Variants in GPR179 observed in about 807,000 individuals in gnomAD.
GPR179 encodes the protein G protein-coupled receptor 179.
Under a neutral mutation model 70.8 loss-of-function variants are expected in GPR179, and 52 were observed. The observed-to-expected ratio is 0.73, with a 90% CI of 0.59 to 0.93. GPR179 has a LOEUF of 0.93. GPR179 is among the 40% of genes least tolerant of loss of function. The pLI, the probability that GPR179 is intolerant of heterozygous loss-of-function variation, is 0.00. For missense variants in GPR179, 2,734 were observed against 2,966.8 expected (o/e 0.92, Z 1.82); for synonymous variants, 1,123 against 1,169.0 (o/e 0.96, Z 0.80).
chr17:38,329,235 G>A lies in GPR179; in HGVS notation c.4334C>T (p.Ala1445Val), dbSNP rs370175162. 1.5e-5 allele frequency: 25 copies of A among 1,613,826 alleles called. No individual in the cohort carries two copies. Among genetic ancestry groups the A allele is most frequent in the Non-Finnish European group, 1.9e-5 (23 of 1,179,864 alleles). ...CCCTGAACACTCTGAGCTTCCTGGG[G>A]CCTGAATTGAGACTGCTGAGGGGCC... ...FRGPSAVSIQ[A>V]PGSSECSGSL... Residue 1445 changes from alanine to valine, a missense_variant, in exon 11 of 11, where the codon GCC (alanine) becomes GTC (valine). Physicochemically the swap from Ala to Val is moderately conservative, Grantham distance 64. Coordinates refer to ENST00000616987, the MANE Select transcript of GPR179 (RefSeq NM_001004334.4).
chr17:38,338,525 A>G (rs2037424992), intron 2 of GPR179, among the ~76,000 whole-genome samples: 1 of 152,214 alleles, frequency 6.6e-6, no homozygotes, highest in African/African-American at 2.4e-5. Context: ...ACTGGACTAC[A>G]CAGTCTGCAC....
rs1187567712 is a variant in GPR179 at position 38,335,042 on chromosome 17, T to C, written c.1636A>G (p.Met546Val). 1.2e-6 allele frequency: 2 copies of C among 1,612,240 alleles called. No individual in the cohort carries two copies. Among genetic ancestry groups the C allele is most frequent in the Non-Finnish European group, 1.7e-6 (2 of 1,178,808 alleles). The change falls in exon 7 of 11, where the codon ATG becomes GTG. Residue 546 changes from methionine to valine, a missense_variant. Met to Val is a conservative substitution (Grantham distance 21). Coordinates refer to ENST00000616987, the MANE Select transcript of GPR179 (RefSeq NM_001004334.4). ...LCHHDRWDYI[M>V]VVAELLLLCW... ...AGCAGAAGCAGCTCACCCACAACCA[T>C]GATGTAGTCCCAGCGGTCGTGGTGA...
Position 38,331,514 on chromosome 17 carries a change from G to C in GPR179, c.2055C>G (p.Leu685=). 1 of 1,607,500 alleles carries C rather than the reference G, an allele frequency of 6.2e-7. No homozygotes were observed. Among genetic ancestry groups the C allele is most frequent in the Non-Finnish European group, 8.5e-7 (1 of 1,175,138 alleles). The part of the protein sequence containing the change: ...PGDIRDELKK[L]YAQLEVHKTK... ...TTTTGTGGACCTCTAGCTGGGCATA[G>C]AGCTTCTTCAGCTCGTCCTGTGGGG... is the stretch of plus-strand genomic sequence containing the variant. The change falls in exon 11 of 11, where the codon CTC becomes CTG. Residue 685 remains leucine, a synonymous_variant. Coordinates refer to ENST00000616987, the MANE Select transcript of GPR179 (RefSeq NM_001004334.4).
chr17:38,327,526 T>A lies in GPR179; in HGVS notation c.6043A>T (p.Lys2015Ter). The change falls in exon 11 of 11, where the codon AAG becomes TAG. Residue 2015 changes from lysine to a stop codon, truncating the protein, a stop_gained. Coordinates refer to ENST00000616987, the MANE Select transcript of GPR179 (RefSeq NM_001004334.4). LOFTEE classifies it low-confidence loss of function (END_TRUNC). The part of the protein sequence containing the change: ...AGVYKSDSSA[K>*]AETCPWEVTE... Reference sequence around the variant, plus strand: ...ACTTCCCAGGGACAGGTCTCAGCCTTGGCACTGCTGTCAGATTTATACACA... The same window carrying A: ...ACTTCCCAGGGACAGGTCTCAGCCTAGGCACTGCTGTCAGATTTATACACA... 1 of 1,614,168 alleles carries A rather than the reference T, an allele frequency of 6.2e-7. No individual in the cohort carries two copies. Among genetic ancestry groups the A allele is most frequent in the Non-Finnish European group, 8.5e-7 (1 of 1,180,032 alleles).
At chr17:38,338,400 C>T (rs113907545) in intron 2 of GPR179, among the ~76,000 whole-genome samples, 15 of 152,134 alleles carry the variant, frequency 9.9e-5, no homozygotes, top group African/African-American at 3.1e-4. Flanking sequence ...ACATCAGTGA[C>T]GCAAATGAAA....
At position 38,331,160 on chromosome 17, in the gene GPR179, G is replaced by A. The variant is rs751596031; in HGVS notation, c.2409C>T (p.Ser803=). ...CAGGGGGCCCCTCCACCGACTCCCG[G>A]CTCTCTGTTCGAGAGGCCTTCTTGG... ...KLAKKASRTE[S]RESVEGPPAL... Residue 803 remains serine, a synonymous_variant, in exon 11 of 11, where the codon AGC becomes AGT. Transcript: ENST00000616987. The A allele has an allele frequency of 9.3e-6, 15 of 1,607,592 alleles. No homozygotes were observed. Among genetic ancestry groups the A allele is most frequent in the African/African-American group, 2.7e-5 (2 of 74,938 alleles).
In GPR179 at chr17:38,329,309, C is replaced by T. The variant is rs574079141; in HGVS notation, c.4260G>A (p.Pro1420=). ...RKATFWKEQK[P]GGDLESLCPW... ...GACAAAGAGACTCCAAGTCTCCTCC[C>T]GGTTTCTGTTCTTTCCAAAAGGTTG... The change falls in exon 11 of 11, where the codon CCG becomes CCA. Residue 1420 remains proline (P), a synonymous_variant. Coordinates refer to ENST00000616987, the MANE Select transcript of GPR179 (RefSeq NM_001004334.4). 9.7e-5 allele frequency: 156 copies of T among 1,612,700 alleles called. 3 individuals are homozygous for T. The South Asian group carries it at 1.3e-3, about 14-fold the overall frequency.
chr17:38,337,061 C>T lies in GPR179; in HGVS notation c.1144G>A (p.Ala382Thr). ...CLVEEAAVLRAAVLACQACCM... is the reference protein window; with the variant it reads ...CLVEEAAVLRTAVLACQACCM... The stretch of plus-strand genomic sequence containing the variant: ...CAGGCCTGGCAGGCCAGCACAGCGG[C>T]CCGCAGCACCGCGGCCTCTTCCACC... Residue 382 changes from alanine (A) to threonine (T), a missense_variant, in exon 4 of 11, where the codon GCC (alanine) becomes ACC (threonine). By Grantham distance (58) the Ala-to-Thr change is moderately conservative. Coordinates refer to ENST00000616987, the MANE Select transcript of GPR179 (RefSeq NM_001004334.4). 1 of 1,608,720 alleles carries T rather than the reference C, an allele frequency of 6.2e-7. No homozygotes were observed.
chr17:38,335,502 G>T, intron 6 of GPR179, 89 bp downstream of exon 6: 1 of 977,192 alleles, frequency 1.0e-6, no homozygotes, highest in Admixed American at 1.9e-5. Context: ...GGGCTGGCAA[G>T]GGTCTGGCTT....
chr17:38,331,242 T>C lies in GPR179; in HGVS notation c.2327A>G (p.Asp776Gly), dbSNP rs1472293770. ...PALHKSRSTY[D>G]QRREQDPPLL... is the part of the protein sequence containing the mutation. ...AGGCGGGTCCTGCTCCCTGCGCTGG[T>C]CATAGGTGCTGCGGGACTTGTGCAG... The change falls in exon 11 of 11, where the codon GAC (aspartate) becomes GGC (glycine). Residue 776 changes from aspartate to glycine, a missense_variant. Coordinates refer to ENST00000616987, the MANE Select transcript of GPR179 (RefSeq NM_001004334.4). 1 of 1,588,074 alleles carries C rather than the reference T, an allele frequency of 6.3e-7. No individual in the cohort carries two copies. Among genetic ancestry groups the C allele is most frequent in the Non-Finnish European group, 8.6e-7 (1 of 1,168,208 alleles).
rs764636944 is a variant in GPR179, at chr17:38,335,276, G to A, written c.1407-5C>T. The A allele has an allele frequency of 4.5e-6, 7 of 1,547,112 alleles. No homozygotes were observed. Among genetic ancestry groups the A allele is most frequent in the Admixed American group, 3.9e-5 (2 of 50,928 alleles). ...GACAGAAACAGCTGCAGCACTCTGC[G>A]AGGGTTAGAATACACAGGGTGGATG... On this transcript the variant is annotated splice_region_variant and splice_polypyrimidine_tract_variant and intron_variant, in intron 6 of 10. Coordinates refer to ENST00000616987, the MANE Select transcript of GPR179 (RefSeq NM_001004334.4).
Position 38,325,102 on chromosome 17 carries a change from C to G in GPR179, c.*1363G>C, listed in dbSNP as rs111532539. Among the ~76,000 whole-genome samples the G allele has an allele frequency of 6.6e-6, 1 of 152,282 alleles. No homozygotes were observed. Among genetic ancestry groups the G allele is most frequent in the Non-Finnish European group, 1.5e-5 (1 of 68,020 alleles). ...TGCCTTCTCTAGCTGCCCCTTCCCC[C>G]CTCTCCCACCTCCCTTTGCCAATCT... On this transcript the variant is annotated 3_prime_UTR_variant, in exon 11 of 11. Coordinates refer to ENST00000616987, the MANE Select transcript of GPR179 (RefSeq NM_001004334.4).
In GPR179 at chr17:38,335,290, A is replaced by C. The variant is rs762263858; in HGVS notation, c.1407-19T>G. 2 of 1,531,480 alleles carry C rather than the reference A, an allele frequency of 1.3e-6. No homozygotes were observed. Among genetic ancestry groups the C allele is most frequent in the South Asian group, 1.2e-5 (1 of 83,474 alleles). 94.9% of individuals were successfully genotyped at this position (1,531,480 alleles called of 1,614,324 possible). ...CAGCACTCTGCGAGGGTTAGAATACACAGGGTGGATGGCAGGGACCTGGGT... is the reference window on the plus strand; with the variant it reads ...CAGCACTCTGCGAGGGTTAGAATACCCAGGGTGGATGGCAGGGACCTGGGT... On this transcript the variant is annotated intron_variant, in intron 6 of 10. Coordinates refer to ENST00000616987, the MANE Select transcript of GPR179 (RefSeq NM_001004334.4).
At chr17:38,335,355 T>C in intron 6 of GPR179, 84 bp from the exon 7 acceptor site, 1 of 1,051,492 alleles carries the variant, frequency 9.5e-7, no homozygotes, top group Non-Finnish European at 1.4e-6. Flanking sequence ...TCTCTGTCCA[T>C]TGCTGCCCTC....
chr17:38,326,829 G>T lies in GPR179; in HGVS notation c.6740C>A (p.Thr2247Asn). ...TMADICPGEE[T>N]GVPSEESGLL... is the part of the protein sequence containing the mutation. Reference sequence around the variant, plus strand: ...GCCAGATTCCTCAGATGGGACTCCAGTTTCCTCCCCAGGACAGATGTCTGC... The same window carrying T: ...GCCAGATTCCTCAGATGGGACTCCATTTTCCTCCCCAGGACAGATGTCTGC... Residue 2247 changes from threonine (T) to asparagine (N), a missense_variant, in exon 11 of 11, where the codon ACT becomes AAT. Thr to Asn is a moderately conservative substitution (Grantham distance 65, BLOSUM62 0). Transcript: ENST00000616987. 2 of 1,614,216 alleles carry T rather than the reference G, an allele frequency of 1.2e-6. No individual in the cohort carries two copies. The highest frequency in any genetic ancestry group is 2.7e-5 in the African/African-American group (2 of 75,060).
Position 38,343,729 on chromosome 17 carries a change from C to T in GPR179, c.61G>A (p.Val21Ile), listed in dbSNP as rs150616884. ...GGACCCCCCAGAGCCCAGGCACAGA[C>T]AAAACAGCAGCCCAGCAGCCCCCAC... is the stretch of plus-strand genomic sequence containing the variant. ...PMWGLLGCCF[V>I]CAWALGGPRP... The change falls in exon 1 of 11, where the codon GTC becomes ATC. Residue 21 changes from valine (V) to isoleucine (I), a missense_variant. Coordinates refer to ENST00000616987, the MANE Select transcript of GPR179 (RefSeq NM_001004334.4). This position sits in a 1 kb window ranked among gnomAD's most constrained non-coding sequence, Gnocchi z 4.2. 1 of 1,563,990 alleles carries T rather than the reference C, an allele frequency of 6.4e-7. No individual in the cohort carries two copies. Among genetic ancestry groups the T allele is most frequent in the Non-Finnish European group, 8.7e-7 (1 of 1,154,004 alleles).
Position 38,330,115 on chromosome 17 carries a change from A to G in GPR179, c.3454T>C (p.Ser1152Pro), listed in dbSNP as rs149252987. The G allele has an allele frequency of 9.0e-3, 14,511 of 1,608,650 alleles. 94 individuals are homozygous for G. Among genetic ancestry groups the G allele is most frequent in the Non-Finnish European group, 0.011 (12,686 of 1,177,042 alleles). Residue 1152 changes from serine (S) to proline (P), a missense_variant, in exon 11 of 11, where the codon TCC (serine) becomes CCC (proline). By Grantham distance (74) the Ser-to-Pro change is moderately conservative. Coordinates refer to ENST00000616987, the MANE Select transcript of GPR179 (RefSeq NM_001004334.4). ...AALIPSDDKE[S>P]LQNQQNAHTS... Reference sequence around the variant, plus strand: ...TGAGCGTTCTGTTGGTTCTGGAGGGACTCCTTGTCATCGGAGGGGATAAGA... The same window carrying G: ...TGAGCGTTCTGTTGGTTCTGGAGGGGCTCCTTGTCATCGGAGGGGATAAGA...
At position 38,328,195 on chromosome 17, in the gene GPR179, C is replaced by T; in HGVS notation, c.5374G>A (p.Asp1792Asn). The T allele has an allele frequency of 6.2e-7, 1 of 1,613,404 alleles. No individual in the cohort carries two copies. The highest frequency in any genetic ancestry group is 8.5e-7 in the Non-Finnish European group (1 of 1,179,956). Residue 1792 changes from aspartate to asparagine, a missense_variant, in exon 11 of 11, where the codon GAT (aspartate) becomes AAT (asparagine). Transcript: ENST00000616987. ...TCACCTGGCCTGCAGCCCATATGATCCAGTTCCTGGAACCCAGCTTTTGGT... is the reference window on the plus strand; with the variant it reads ...TCACCTGGCCTGCAGCCCATATGATTCAGTTCCTGGAACCCAGCTTTTGGT... Reference protein sequence around the residue: ...DGPKAGFQELDHMGCRPGEVC... With the variant: ...DGPKAGFQELNHMGCRPGEVC...
Position 38,326,809 on chromosome 17 carries a change from A to T in GPR179, c.6760T>A (p.Ser2254Thr). ...GEETGVPSEESGLLALTATRR... is the reference protein window; with the variant it reads ...GEETGVPSEETGLLALTATRR... ...GTTGCTGTTAAAGCCAGGAGGCCAG[A>T]TTCCTCAGATGGGACTCCAGTTTCC... Residue 2254 changes from serine to threonine, a missense_variant, in exon 11 of 11, where the codon TCT (serine) becomes ACT (threonine). Coordinates refer to ENST00000616987, the MANE Select transcript of GPR179 (RefSeq NM_001004334.4). The T allele has an allele frequency of 1.2e-6, 2 of 1,614,212 alleles. No homozygotes were observed. Among genetic ancestry groups the T allele is most frequent in the South Asian group, 2.2e-5 (2 of 91,082 alleles).
Sources: gnomAD v4.1 joint callset for allele counts (sites outside exome capture counted in the v4.1 genomes callset) on GRCh38, gnomAD v4.1.1 for gene constraint, Gnocchi (gnomAD v3.1) non-coding constraint, MANE v1.5 for transcripts, NCBI Gene and HGNC (gene_info 2026-07-23, HGNC 2026-07-21) for gene names.